ROBO1: variants seen among roughly 807,000 people sequenced by gnomAD.
The protein encoded by ROBO1 is roundabout homolog 1.
A neutral mutation model predicts 195.9 loss-of-function variants in ROBO1; 149 were observed. The ratio of observed to expected loss-of-function variants is 0.76; its 90% CI spans 0.67 to 0.87. ROBO1 has a LOEUF of 0.87. ROBO1 is among the 40% of genes least tolerant of loss of function. ROBO1 has a pLI of 0.00. For synonymous variants in ROBO1, 816 were observed against 733.2 expected, an observed-to-expected ratio of 1.11 and a Z score of -1.82; for missense variants, 1,933 against 2,068.3, an observed-to-expected ratio of 0.93 and a Z score of 1.27.
chr3:78,961,897 A>T (rs568640692), intron 3 of ROBO1, among the ~76,000 whole-genome samples: 213 of 151,766 alleles, frequency 1.4e-3, no homozygotes, highest in Non-Finnish European at 2.0e-3. Flanking sequence ...ATTCATAGTC[A>T]CAGTACTTGG....
intron 2 of ROBO1, among the ~76,000 whole-genome samples, chr3:79,395,982 A>G (rs1332719428): frequency 6.6e-6 from 1 of 152,148 alleles, no homozygotes; most frequent in Non-Finnish European, 1.5e-5. Context: ...GGGATGAATT[A>G]CCATCTGAGT....
chr3:78,760,105 A>G (rs566868019), intron 4 of ROBO1, among the ~76,000 whole-genome samples: 84 of 150,818 alleles, frequency 5.6e-4, no homozygotes, highest in Admixed American at 9.2e-4. Flanking sequence ...ATATGGGGAA[A>G]CCTCTTGCGC....
At chr3:79,530,815 G>A (rs1311488309) in intron 2 of ROBO1, among the ~76,000 whole-genome samples, 4 of 115,128 alleles carry the variant, frequency 3.5e-5, no homozygotes, top group Non-Finnish European at 7.5e-5. Context: ...ATCCTTCCCT[G>A]GATTCCCAGT....
chr3:79,599,303 C>T (rs1944271273), intron 1 of ROBO1, among the ~76,000 whole-genome samples: 1 of 151,930 alleles, frequency 6.6e-6, no homozygotes, highest in African/African-American at 2.4e-5. Flanking sequence ...CATGTTAAAG[C>T]CAGCAGTTTA....
intron 30 of ROBO1, 79 bp downstream of exon 30, chr3:78,600,033 CT>C (rs758026807): frequency 1.8e-6 from 2 of 1,135,772 alleles, no homozygotes; most frequent in Non-Finnish European, 2.7e-6. Context: ...AGTAACATTT[CT>C]GTACACTGAT....
intron 1 of ROBO1, among the ~76,000 whole-genome samples, chr3:79,638,572 G>A (rs2108057964): frequency 6.6e-6 from 1 of 152,132 alleles, no homozygotes; most frequent in East Asian, 1.9e-4. Flanking sequence ...GAGCCACCGT[G>A]CCCAGCCTTA....
intron 10 of ROBO1, among the ~76,000 whole-genome samples, chr3:78,685,354 G>A (rs893757682): frequency 3.3e-5 from 5 of 152,088 alleles, no homozygotes; most frequent in African/African-American, 1.2e-4. Flanking sequence ...ATCATAAGTT[G>A]TGAGCTGTTA....
At position 79,645,139 on chromosome 3, in the gene ROBO1, G is replaced by A. The variant is rs571355969; in HGVS notation, c.-50-55178C>T. The stretch of plus-strand genomic sequence containing the variant: ...GACTTCAAATGAACAACCCAATGAT[G>A]TACCTCAGGGACCTAGAAAAGCAAA... On this transcript the variant is annotated intron_variant, in intron 1 of 30. Transcript: ENST00000464233. Among the ~76,000 whole-genome samples, 4 of 152,084 alleles carry A rather than the reference G, an allele frequency of 2.6e-5. No homozygotes were observed. In the South Asian group the frequency reaches 8.3e-4, roughly 32 times the overall value.
intron 1 of ROBO1, among the ~76,000 whole-genome samples, chr3:79,710,322 G>T (rs1286271100): frequency 1.3e-5 from 2 of 151,996 alleles, no homozygotes; most frequent in Non-Finnish European, 2.9e-5. Flanking sequence ...TAGTGAAACT[G>T]CAACACACAC....
intron 2 of ROBO1, among the ~76,000 whole-genome samples, chr3:79,503,255 C>A (rs1274694918): frequency 6.6e-6 from 1 of 152,078 alleles, no homozygotes; most frequent in African/African-American, 2.4e-5. Flanking sequence ...TAACACTCAC[C>A]AGGAAAGTCT....
At chr3:79,318,848 G>GTGAGCCACAAATT (rs1336551087) in intron 2 of ROBO1, among the ~76,000 whole-genome samples, 31 of 152,154 alleles carry the variant, frequency 2.0e-4, no homozygotes, top group Non-Finnish European at 2.9e-4. Flanking sequence ...AGCCACAAAT[G>GTGAGCCACAAATT]TGAACCACAC....
intron 2 of ROBO1, among the ~76,000 whole-genome samples, chr3:79,160,411 A>G (rs1294166150): frequency 1.3e-5 from 2 of 152,030 alleles, no homozygotes; most frequent in East Asian, 1.9e-4. Flanking sequence ...TTGGAATCCA[A>G]TGATTATTAG....
intron 1 of ROBO1, among the ~76,000 whole-genome samples, chr3:79,697,856 C>T (rs972212244): frequency 2.6e-5 from 4 of 151,178 alleles, no homozygotes; most frequent in Non-Finnish European, 4.4e-5. Flanking sequence ...GGTCTCATAG[C>T]AAGTATGGCC....
At chr3:79,202,274 A>G (rs1211472547) in intron 2 of ROBO1, among the ~76,000 whole-genome samples, 1 of 152,064 alleles carries the variant, frequency 6.6e-6, no homozygotes, top group Non-Finnish European at 1.5e-5. Flanking sequence ...GTAAATATTT[A>G]TTAGTAGAAT....
At chr3:78,746,481 A>G (rs2082659302) in intron 5 of ROBO1, among the ~76,000 whole-genome samples, 1 of 152,204 alleles carries the variant, frequency 6.6e-6, no homozygotes, top group Non-Finnish European at 1.5e-5. Flanking sequence ...TAAGTCATAC[A>G]TAAAAGTGTT....
At chr3:79,686,740 A>G (rs1368990846) in intron 1 of ROBO1, among the ~76,000 whole-genome samples, 1 of 152,202 alleles carries the variant, frequency 6.6e-6, no homozygotes, top group African/African-American at 2.4e-5. Flanking sequence ...ATGCAAGGAC[A>G]TTCCATGCTC....
At chr3:79,208,110 A>G (rs187471553) in intron 2 of ROBO1, among the ~76,000 whole-genome samples, 6 of 152,330 alleles carry the variant, frequency 3.9e-5, no homozygotes, top group African/African-American at 1.2e-4. Context: ...TGGAGTTTGA[A>G]TATGGTTATC....
At chr3:78,772,650 G>A (rs2083405713) in intron 4 of ROBO1, among the ~76,000 whole-genome samples, 1 of 151,840 alleles carries the variant, frequency 6.6e-6, no homozygotes, top group Admixed American at 6.6e-5. Context: ...AATCTCCAAT[G>A]AGACAGTAGA....
intron 4 of ROBO1, among the ~76,000 whole-genome samples, chr3:78,833,008 G>A (rs955875981): frequency 2.6e-5 from 4 of 152,086 alleles, no homozygotes; most frequent in South Asian, 2.1e-4. Flanking sequence ...GCCTCACATC[G>A]CATGCTAAGG....
Sources: gnomAD v4.1 joint callset for allele counts (sites outside exome capture counted in the v4.1 genomes callset) on GRCh38, gnomAD v4.1.1 for gene constraint, MANE v1.5 for transcripts, NCBI Gene and HGNC (gene_info 2026-07-23, HGNC 2026-07-21) for gene names.